The following TMTC1 variants were observed in gnomAD, a reference collection of about 807,000 sequenced individuals.
TMTC1 encodes the protein protein O-mannosyl-transferase TMTC1.
TMTC1 carries 73 observed loss-of-function variants against 104.8 expected under a neutral mutation model. The observed-to-expected ratio is 0.70, with a 90% confidence interval of 0.58 to 0.85. The LOEUF is 0.85. Ranked by LOEUF, TMTC1 falls within the 40% of genes least tolerant of loss-of-function variation. The probability of loss-of-function intolerance (pLI) is 0.00; values close to 1 mark genes in which losing one functional copy is unlikely to be tolerated. For missense variants in TMTC1, 1,035 were observed against 1,096.1 expected, an observed-to-expected ratio of 0.94 and a Z score of 0.79; for synonymous variants, 434 against 428.7, an observed-to-expected ratio of 1.01 and a Z score of -0.15.
rs186327113 is a variant in TMTC1, at chr12:29,538,708, C to T, written c.1677-2391G>A. 2.1e-3 allele frequency among the ~76,000 whole-genome samples: 319 copies of T among 152,186 alleles called. 1 individual carries two copies. The highest frequency in any genetic ancestry group is 6.8e-3 in the Middle Eastern group (2 of 294). On this transcript the variant is annotated intron_variant, in intron 10 of 17. Coordinates refer to ENST00000539277, the MANE Select transcript of TMTC1 (RefSeq NM_001193451.2). Reference sequence around the variant, plus strand: ...TTTGTCCATGAACATTCATGTGACACGATGGAAAGATTATCATCAAAATTA... The same window carrying T: ...TTTGTCCATGAACATTCATGTGACATGATGGAAAGATTATCATCAAAATTA...
At chr12:29,768,404 T>C (rs1260522807) in intron 1 of TMTC1, among the ~76,000 whole-genome samples, 1 of 152,196 alleles carries the variant, frequency 6.6e-6, no homozygotes, top group Admixed American at 6.5e-5. Flanking sequence ...AATATTCTTA[T>C]TTTCACTGCT....
At chr12:29,510,645 G>C (rs1057487470) in intron 17 of TMTC1, among the ~76,000 whole-genome samples, 3 of 152,186 alleles carry the variant, frequency 2.0e-5, no homozygotes, top group Admixed American at 1.3e-4. Context: ...CATCTTTTTT[G>C]TGTGTGTTTC....
intron 5 of TMTC1, among the ~76,000 whole-genome samples, chr12:29,710,935 ATAATATATAAATATATATAT>A (rs1941904632): frequency 4.7e-4 from 8 of 17,186 alleles, no homozygotes; most frequent in East Asian, 4.2e-3. Context: ...AAATATATTA[ATAATATATAAATATATATAT>A]AAATATATTA....
intron 5 of TMTC1, among the ~76,000 whole-genome samples, chr12:29,745,155 G>A (rs746303808): frequency 5.9e-5 from 9 of 151,880 alleles, no homozygotes; most frequent in Non-Finnish European, 8.8e-5. Context: ...GCAAAACACC[G>A]CCATTCATTT....
chr12:29,522,513 A>C (rs1394062840), intron 11 of TMTC1, among the ~76,000 whole-genome samples: 1 of 152,122 alleles, frequency 6.6e-6, no homozygotes, highest in Non-Finnish European at 1.5e-5. Flanking sequence ...AATCTATTGA[A>C]GAGAAGCTTT....
In TMTC1 at chr12:29,767,981, A is replaced by G; in HGVS notation, c.397T>C (p.Cys133Arg). The change falls in exon 2 of 18, where the codon TGT (cysteine) becomes CGT (arginine). Residue 133 changes from cysteine (C) to arginine (R), a missense_variant. By Grantham distance (180) the Cys-to-Arg change is radical. Transcript: ENST00000539277. ...CGATTCTTGAAGACAGTTTTATCAC[A>G]GGTGTACATCAGCACAAGAGTCACT... ...CLVTLVLMYT[C>R]DKTVFKNRGL... The G allele has an allele frequency of 6.2e-7, 1 of 1,613,956 alleles. No homozygotes were observed. The highest frequency in any genetic ancestry group is 8.5e-7 in the Non-Finnish European group (1 of 1,179,900).
At chr12:29,538,742 G>T (rs906979037) in intron 10 of TMTC1, among the ~76,000 whole-genome samples, 2 of 152,194 alleles carry the variant, frequency 1.3e-5, no homozygotes, top group Admixed American at 1.3e-4. Flanking sequence ...TATATACCAA[G>T]AACCCAGATT....
At chr12:29,647,693 G>A (rs546931490) in intron 5 of TMTC1, among the ~76,000 whole-genome samples, 5 of 152,286 alleles carry the variant, frequency 3.3e-5, no homozygotes, top group African/African-American at 1.2e-4. Flanking sequence ...GCCTTTGCCT[G>A]TATTTCTTAA....
chr12:29,633,470 TGGAAAGCC>T (rs1297820111), intron 5 of TMTC1, 134 bp from the exon 6 acceptor site: 1 of 732,288 alleles, frequency 1.4e-6, no homozygotes, highest in African/African-American at 1.8e-5. Context: ...CAAGGGAAGA[TGGAAAGCC>T]ATTCACTCAT....
chr12:29,521,460 G>T (rs1250699853), intron 11 of TMTC1, among the ~76,000 whole-genome samples: 2 of 151,948 alleles, frequency 1.3e-5, no homozygotes, highest in Non-Finnish European at 2.9e-5. Flanking sequence ...TCATTCTAGG[G>T]CTCCAATTCT....
At position 29,783,562 on chromosome 12, in the gene TMTC1, G is replaced by T; in HGVS notation, c.190C>A (p.Arg64=). Residue 64 remains arginine (R), a synonymous_variant, in exon 1 of 18, where the codon CGG becomes AGG. Transcript: ENST00000539277. The surrounding 1 kb of genome is among the most constrained non-coding windows in gnomAD (Gnocchi z 4.7). ...CCCCAGCGGAGCGGGGCGCCGGGCCGCACGTCGGGGTTGTTCACGATCGCC... is the reference window on the plus strand; with the variant it reads ...CCCCAGCGGAGCGGGGCGCCGGGCCTCACGTCGGGGTTGTTCACGATCGCC... ...VWAIVNNPDV[R]PGAPLRWGIF... is the part of the protein sequence containing the mutation. 6.8e-7 allele frequency: 1 copy of T among 1,477,652 alleles called. No individual in the cohort carries two copies. Among genetic ancestry groups the T allele is most frequent in the Non-Finnish European group, 9.0e-7 (1 of 1,116,776 alleles). 91.5% of individuals were successfully genotyped at this position (1,477,652 alleles called of 1,614,324 possible).
At chr12:29,518,659 C>A in intron 12 of TMTC1, 52 bp from the exon 13 acceptor site, 2 of 1,582,112 alleles carry the variant, frequency 1.3e-6, no homozygotes, top group East Asian at 2.2e-5. Context: ...TTATAAAAGA[C>A]ATGAACATTT....
At chr12:29,723,839 T>C (rs1942305730) in intron 5 of TMTC1, among the ~76,000 whole-genome samples, 1 of 152,092 alleles carries the variant, frequency 6.6e-6, no homozygotes, top group South Asian at 2.1e-4. Context: ...CAGTGAATCA[T>C]ACTGAGACAT....
At chr12:29,690,921 C>T (rs538321092) in intron 5 of TMTC1, among the ~76,000 whole-genome samples, 4 of 152,218 alleles carry the variant, frequency 2.6e-5, no homozygotes, top group Non-Finnish European at 5.9e-5. Context: ...ACATAACCAA[C>T]TCCATCTTGC....
intron 6 of TMTC1, among the ~76,000 whole-genome samples, chr12:29,627,749 T>C (rs962249202): frequency 6.7e-6 from 1 of 149,592 alleles, no homozygotes; most frequent in Admixed American, 6.7e-5. Context: ...AATGAATAAA[T>C]GGATAAGCAA....
At chr12:29,588,981 T>A (rs1394767924) in intron 7 of TMTC1, among the ~76,000 whole-genome samples, 3 of 152,086 alleles carry the variant, frequency 2.0e-5, no homozygotes, top group Admixed American at 6.6e-5. Context: ...GGAAAAAAAA[T>A]TAAGTTGAAA....
chr12:29,520,497 T>C (rs886346366), intron 12 of TMTC1, 121 bp downstream of exon 12: 10 of 788,760 alleles, frequency 1.3e-5, no homozygotes, highest in Non-Finnish European at 1.9e-5. Context: ...TGACTGTCAA[T>C]AGTGTGAGCT....
At position 29,501,264 on chromosome 12, in the gene TMTC1, A is replaced by C. The variant is rs1157054724; in HGVS notation, c.*5582T>G. On this transcript the variant is annotated 3_prime_UTR_variant, in exon 18 of 18. Coordinates refer to ENST00000539277, the MANE Select transcript of TMTC1 (RefSeq NM_001193451.2). ...GGAGTAACTACCTCTGCCATGTTCA[A>C]GCACTTGGGCAATTCAGTCACTTTT... The C allele has an allele frequency of 6.6e-6, 1 of 152,248 alleles. No individual in the cohort carries two copies. Among genetic ancestry groups the C allele is most frequent in the Non-Finnish European group, 1.5e-5 (1 of 68,044 alleles). The allele number at this position is 152,248 out of a possible 1,614,324, so 9.4% of individuals were successfully genotyped here.
intron 9 of TMTC1, among the ~76,000 whole-genome samples, chr12:29,565,691 T>A (rs952516054): frequency 1.3e-5 from 2 of 151,908 alleles, no homozygotes; most frequent in Non-Finnish European, 2.9e-5. Context: ...TACTAAAAAT[T>A]CCAAAATTAG....
Sources: gnomAD v4.1 joint callset for allele counts (sites outside exome capture counted in the v4.1 genomes callset) on GRCh38, gnomAD v4.1.1 for gene constraint, Gnocchi (gnomAD v3.1) non-coding constraint, MANE v1.5 for transcripts, NCBI Gene and HGNC (gene_info 2026-07-23, HGNC 2026-07-21) for gene names.